PHF24: variants seen among roughly 807,000 people sequenced by gnomAD.
The protein encoded by PHF24 is Galpha inhibitory interacting protein.
PHF24 carries 25 observed loss-of-function variants against 42.6 expected under a neutral mutation model. That is an observed-to-expected ratio of 0.59 (90% CI 0.43 to 0.82). The LOEUF (loss-of-function observed/expected upper bound fraction) is 0.82. Ranked by LOEUF, PHF24 falls within the 40% of genes least tolerant of loss-of-function variation. The probability of loss-of-function intolerance (pLI) is 0.00; values close to 1 mark genes in which losing one functional copy is unlikely to be tolerated. For missense variants in PHF24, 470 were observed against 538.1 expected, an observed-to-expected ratio of 0.87 and a Z score of 1.25; for synonymous variants, 185 against 204.8, an observed-to-expected ratio of 0.90 and a Z score of 0.83.
At chr9:34,854,192 ATCT>A in the PHF24 span, among the ~76,000 whole-genome samples, 2 of 69,868 alleles carry the variant, frequency 2.9e-5, no homozygotes, top group Non-Finnish European at 7.2e-5. Context: ...CTAGCAGTCT[ATCT>A]ATTTTTTTTT....
chr9:34,728,091 C>T, the PHF24 span: 181 of 1,551,646 alleles, frequency 1.2e-4, no homozygotes, highest in East Asian at 1.4e-3. Context: ...AGCTGAGGAA[C>T]GGGGAGACAG....
chr9:34,798,618 A>G, the PHF24 span, among the ~76,000 whole-genome samples: 3,680 of 152,256 alleles, frequency 0.024, 145 homozygotes, highest in African/African-American at 0.082. Context: ...TCCACCAGTG[A>G]TGGGCACCTA....
At chr9:34,689,156 C>T in the PHF24 span, among the ~76,000 whole-genome samples, 1 of 152,326 alleles carries the variant, frequency 6.6e-6, no homozygotes, top group Admixed American at 6.5e-5. The surrounding 1 kb of genome is among the most constrained non-coding windows in gnomAD (Gnocchi z 4.1). Flanking sequence ...CCACCTCCCC[C>T]AGCCGTGAGA....
At chr9:34,833,135 G>C in the PHF24 span, 4 of 1,551,402 alleles carry the variant, frequency 2.6e-6, no homozygotes, top group Non-Finnish European at 3.5e-6. Flanking sequence ...GTCCCTGGCT[G>C]CTTTGGTTTC....
At chr9:34,703,293 C>T in the PHF24 span, among the ~76,000 whole-genome samples, 1 of 152,082 alleles carries the variant, frequency 6.6e-6, no homozygotes, top group African/African-American at 2.4e-5. Context: ...CTCAGCCTCC[C>T]GAATAGCTGG....
the PHF24 span, among the ~76,000 whole-genome samples, chr9:34,737,063 C>T: frequency 6.6e-6 from 1 of 152,144 alleles, no homozygotes; most frequent in Non-Finnish European, 1.5e-5. Context: ...CATAAATTCA[C>T]CATTGAACTA....
At chr9:34,937,653 A>AAAAAAAAG in the PHF24 span, among the ~76,000 whole-genome samples, 1 of 151,786 alleles carries the variant, frequency 6.6e-6, no homozygotes, top group Non-Finnish European at 1.5e-5. Flanking sequence ...AATTTAAAAA[A>AAAAAAAAG]AAAAATGAAA....
chr9:34,792,767 A>T, the PHF24 span, among the ~76,000 whole-genome samples: 1 of 152,124 alleles, frequency 6.6e-6, no homozygotes, highest in East Asian at 1.9e-4. Context: ...ATTTCAGAAT[A>T]CTTGCTAATG....
the PHF24 span, chr9:34,832,501 T>A: frequency 6.6e-7 from 1 of 1,512,944 alleles, no homozygotes. Context: ...CCTGTCGGCT[T>A]CTCTGTCTTA....
chr9:34,705,794 T>A, the PHF24 span, among the ~76,000 whole-genome samples: 1 of 152,124 alleles, frequency 6.6e-6, no homozygotes, highest in Non-Finnish European at 1.5e-5. Flanking sequence ...CCAAGCAGAG[T>A]GGCTCATGGC....
At chr9:34,710,442 T>A in the PHF24 span, among the ~76,000 whole-genome samples, 11 of 151,156 alleles carry the variant, frequency 7.3e-5, no homozygotes, top group African/African-American at 2.7e-4. Flanking sequence ...TTCCAGCAAA[T>A]CTGATTATTA....
At chr9:34,805,420 C>A in the PHF24 span, among the ~76,000 whole-genome samples, 1 of 152,184 alleles carries the variant, frequency 6.6e-6, no homozygotes, top group Non-Finnish European at 1.5e-5. Flanking sequence ...GAAGTGGTCA[C>A]CCACTGTGGT....
At chr9:34,976,813 G>A (rs975661247) in intron 5 of PHF24, 73 bp downstream of exon 5, 1 of 1,340,648 alleles carries the variant, frequency 7.5e-7, no homozygotes, top group African/African-American at 1.5e-5. Context: ...TGGGCAGATT[G>A]GGGGAGCACT....
chr9:34,940,589 GA>G, the PHF24 span, among the ~76,000 whole-genome samples: 1 of 152,014 alleles, frequency 6.6e-6, no homozygotes, highest in Non-Finnish European at 1.5e-5. Flanking sequence ...CCATCTCTCC[GA>G]AAAAATAAAA....
chr9:34,862,080 G>C, the PHF24 span, among the ~76,000 whole-genome samples: 2 of 152,112 alleles, frequency 1.3e-5, no homozygotes, highest in Admixed American at 6.5e-5. Flanking sequence ...CGGTGGAAGG[G>C]GCAAGACAGC....
the PHF24 span, among the ~76,000 whole-genome samples, chr9:34,841,152 A>G: frequency 6.6e-6 from 1 of 152,034 alleles, no homozygotes; most frequent in East Asian, 1.9e-4. Context: ...GGCGCCCGCC[A>G]CCACACCCGG....
chr9:34,739,631 T>G, the PHF24 span, among the ~76,000 whole-genome samples: 1 of 152,110 alleles, frequency 6.6e-6, no homozygotes, highest in Non-Finnish European at 1.5e-5. Flanking sequence ...GGGTTCGTGG[T>G]CTCACTGGCT....
the PHF24 span, among the ~76,000 whole-genome samples, chr9:34,938,773 CA>C: frequency 0.49 from 70,636 of 142,952 alleles, 17,624 homozygotes; most frequent in Non-Finnish European, 0.57. Flanking sequence ...ACTAAAAATA[CA>C]AAAAAAAAAA....
At chr9:34,701,424 C>T in the PHF24 span, among the ~76,000 whole-genome samples, 1 of 152,180 alleles carries the variant, frequency 6.6e-6, no homozygotes, top group Non-Finnish European at 1.5e-5. The surrounding 1 kb of genome is among the most constrained non-coding windows in gnomAD (Gnocchi z 5.8). Context: ...TGAGCGTGCC[C>T]ATGCATCTCC....
Sources: gnomAD v4.1 joint callset for allele counts (sites outside exome capture counted in the v4.1 genomes callset) on GRCh38, gnomAD v4.1.1 for gene constraint, Gnocchi (gnomAD v3.1) non-coding constraint, MANE v1.5 for transcripts, NCBI Gene and HGNC (gene_info 2026-07-23, HGNC 2026-07-21) for gene names.